The following CPQ variants were observed in gnomAD, a reference collection of about 807,000 sequenced individuals.
CPQ encodes the protein Ser-Met dipeptidase.
Under a neutral mutation model 45.7 loss-of-function variants are expected in CPQ, and 37 were observed. The observed-to-expected ratio is 0.81, with a 90% CI of 0.62 to 1.07. CPQ has a LOEUF of 1.07. Ranked by LOEUF, CPQ falls within the 50% of genes least tolerant of loss-of-function variation. The pLI is 0.00. For missense variants in CPQ, 537 were observed against 572.9 expected, an observed-to-expected ratio of 0.94 and a Z score of 0.64; for synonymous variants, 186 against 205.8, an observed-to-expected ratio of 0.90 and a Z score of 0.82.
chr8:96,735,476 CAAAG>C (rs1809969892), intron 1 of CPQ, among the ~76,000 whole-genome samples: 1 of 152,154 alleles, frequency 6.6e-6, no homozygotes, highest in Non-Finnish European at 1.5e-5. Context: ...CTTCCAAAAA[CAAAG>C]AAAGTCTGAA....
chr8:96,692,857 G>T (rs934743546), intron 1 of CPQ, among the ~76,000 whole-genome samples: 17 of 152,070 alleles, frequency 1.1e-4, no homozygotes, highest in African/African-American at 4.1e-4. Context: ...TCAATAAGGT[G>T]CCAGGGACCA....
chr8:96,933,981 A>G (rs1008145184), intron 4 of CPQ, among the ~76,000 whole-genome samples: 4 of 152,234 alleles, frequency 2.6e-5, no homozygotes, highest in Non-Finnish European at 5.9e-5. Flanking sequence ...GAAAATGTTC[A>G]CAAGGAACCT....
rs146314487 is a variant in CPQ, at chr8:96,793,674, C to G, written c.433+8344C>G. 2.3e-3 allele frequency among the ~76,000 whole-genome samples: 349 copies of G among 152,244 alleles called. 4 individuals carry two copies. Among genetic ancestry groups the G allele is most frequent in the African/African-American group, 8.2e-3 (341 of 41,552 alleles). On this transcript the variant is annotated intron_variant, in intron 2 of 7. Transcript: ENST00000220763. ...TCATTTCAGCATTAACTCAAAAGTC[C>G]ACAGTCCAAAGTCTCATCCGAGACA... is the stretch of plus-strand genomic sequence containing the variant.
intron 1 of CPQ, among the ~76,000 whole-genome samples, chr8:96,661,456 C>T (rs913570960): frequency 6.6e-6 from 1 of 152,128 alleles, no homozygotes; most frequent in African/African-American, 2.4e-5. Context: ...CCTCCCTTCC[C>T]CTCACTCCTG....
chr8:96,695,851 A>G (rs1398974751), intron 1 of CPQ, among the ~76,000 whole-genome samples: 8 of 150,690 alleles, frequency 5.3e-5, no homozygotes, highest in Non-Finnish European at 1.2e-4. Flanking sequence ...TGGGACTGTA[A>G]ACTAGTTCAA....
At chr8:97,016,750 G>C (rs527824006) in intron 5 of CPQ, among the ~76,000 whole-genome samples, 60 of 152,274 alleles carry the variant, frequency 3.9e-4, no homozygotes, top group African/African-American at 1.4e-3. Flanking sequence ...GATGGAAAAG[G>C]TGAAGAGGTA....
Position 96,835,097 on chromosome 8 carries a change from C to T in CPQ, c.558C>T (p.Tyr186=), listed in dbSNP as rs761078904. ...TCAACTACTCAAGGACGGTGCAATA[C>T]CGAACGCAGGGGGCGGTGGAAGCTG... ...PYINYSRTVQ[Y]RTQGAVEAAK... Residue 186 remains tyrosine, a synonymous_variant, in exon 3 of 8, where the codon TAC becomes TAT. Transcript: ENST00000220763. 7.5e-6 allele frequency: 12 copies of T among 1,604,818 alleles called. No homozygotes were observed. The Admixed American group carries it at 2.0e-4, about 27-fold the overall frequency.
intron 1 of CPQ, among the ~76,000 whole-genome samples, chr8:96,759,319 A>G (rs1025098802): frequency 6.6e-6 from 1 of 152,204 alleles, no homozygotes; most frequent in African/African-American, 2.4e-5. Flanking sequence ...TGGTATTAAG[A>G]AAATGGGCTG....
chr8:96,733,792 G>A (rs377757504), intron 1 of CPQ, among the ~76,000 whole-genome samples: 2 of 152,130 alleles, frequency 1.3e-5, no homozygotes, highest in South Asian at 2.1e-4. Context: ...TACAATTACA[G>A]CCTATCTCAA....
chr8:97,004,085 C>T (rs190756135), intron 5 of CPQ, among the ~76,000 whole-genome samples: 15 of 151,884 alleles, frequency 9.9e-5, no homozygotes, highest in South Asian at 4.2e-4. Flanking sequence ...GAAATGTTAG[C>T]GGGAAGACTG....
At chr8:97,077,210 CA>C (rs1379811370) in intron 7 of CPQ, among the ~76,000 whole-genome samples, 1 of 152,148 alleles carries the variant, frequency 6.6e-6, no homozygotes, top group African/African-American at 2.4e-5. Context: ...GGAGCACTTC[CA>C]ACATCACTAG....
intron 5 of CPQ, among the ~76,000 whole-genome samples, chr8:96,980,360 T>A (rs923421270): frequency 7.0e-4 from 107 of 152,274 alleles, no homozygotes; most frequent in African/African-American, 2.5e-3. Flanking sequence ...CTCAAACTCC[T>A]GGTCTCAAGT....
At chr8:97,075,175 A>G (rs1397107194) in intron 7 of CPQ, among the ~76,000 whole-genome samples, 1 of 152,202 alleles carries the variant, frequency 6.6e-6, no homozygotes, top group Non-Finnish European at 1.5e-5. Context: ...TTAGAAAATC[A>G]GATAATGACA....
At chr8:96,660,231 TG>T (rs1222257089) in intron 1 of CPQ, among the ~76,000 whole-genome samples, 1 of 152,202 alleles carries the variant, frequency 6.6e-6, no homozygotes, top group Non-Finnish European at 1.5e-5. Flanking sequence ...CCTCTCTTTT[TG>T]GCTTGCACGT....
intron 6 of CPQ, among the ~76,000 whole-genome samples, chr8:97,046,064 T>G (rs1458093231): frequency 6.6e-6 from 1 of 152,242 alleles, no homozygotes; most frequent in Admixed American, 6.5e-5. Context: ...GCTACTCATC[T>G]TACTTGATCA....
At chr8:97,098,190 A>G (rs1453169123) in intron 7 of CPQ, among the ~76,000 whole-genome samples, 1 of 152,162 alleles carries the variant, frequency 6.6e-6, no homozygotes, top group Non-Finnish European at 1.5e-5. Context: ...TTCCTGGATC[A>G]TGGCTTTCTG....
intron 4 of CPQ, among the ~76,000 whole-genome samples, chr8:96,896,042 T>G (rs556462743): frequency 1.3e-5 from 2 of 152,268 alleles, no homozygotes; most frequent in East Asian, 3.9e-4. Context: ...ATTTTCATAA[T>G]AAGACTCTAA....
chr8:96,950,605 G>A (rs184409984), intron 4 of CPQ, among the ~76,000 whole-genome samples: 13 of 152,020 alleles, frequency 8.6e-5, no homozygotes, highest in African/African-American at 2.2e-4. Flanking sequence ...CTACCACCAG[G>A]GGAGTGTGTC....
At chr8:96,746,190 G>A (rs1046533110) in intron 1 of CPQ, among the ~76,000 whole-genome samples, 1 of 152,204 alleles carries the variant, frequency 6.6e-6, no homozygotes, top group Admixed American at 6.5e-5. Flanking sequence ...AACAAGTCAT[G>A]TGTATAAGTG....
Sources: gnomAD v4.1 joint callset for allele counts (sites outside exome capture counted in the v4.1 genomes callset) on GRCh38, gnomAD v4.1.1 for gene constraint, MANE v1.5 for transcripts, NCBI Gene and HGNC (gene_info 2026-07-23, HGNC 2026-07-21) for gene names.